Variants in SPAST observed in about 807,000 individuals in gnomAD.
The protein encoded by SPAST is spastin.
A neutral mutation model predicts 76.6 loss-of-function variants in SPAST; 30 were observed. That is an observed-to-expected ratio of 0.39 (90% CI 0.29 to 0.53). The LOEUF (loss-of-function observed/expected upper bound fraction) is 0.53. Among genes scored for constraint, SPAST ranks in the 20% least tolerant of loss-of-function variants. SPAST has a pLI of 0.68. For synonymous variants in SPAST, 305 were observed against 281.0 expected, an observed-to-expected ratio of 1.09 and a Z score of -0.86; for missense variants, 717 against 770.5, an observed-to-expected ratio of 0.93 and a Z score of 0.82.
chr2:32,148,973 CA>C (rs562176832), intron 16 of SPAST, among the ~76,000 whole-genome samples: 83 of 128,374 alleles, frequency 6.5e-4, no homozygotes, highest in Non-Finnish European at 5.5e-4. Context: ...GACCCAGTCT[CA>C]AAAAAAAAAA....
intron 16 of SPAST, among the ~76,000 whole-genome samples, chr2:32,152,399 T>C (rs887390908): frequency 1.3e-5 from 2 of 151,980 alleles, no homozygotes; most frequent in African/African-American, 4.8e-5. Flanking sequence ...GAAATCCTCA[T>C]CTCTACAAAA....
intron 9 of SPAST, among the ~76,000 whole-genome samples, chr2:32,133,006 A>G (rs1175415647): frequency 6.6e-6 from 1 of 151,616 alleles, no homozygotes; most frequent in African/African-American, 2.4e-5. Context: ...AGATTGCGCC[A>G]TTCCACTCCA....
At chr2:32,128,894 C>T (rs546898590) in intron 9 of SPAST, 7 of 238,502 alleles carry the variant, frequency 2.9e-5, no homozygotes, top group African/African-American at 1.6e-4. Context: ...TAGATGCATC[C>T]CTCCTATCTC....
rs796918516 is a variant in SPAST at position 32,066,933 on chromosome 2, A to G, written c.415+2687A>G. ...AGGCTGCAATGAGCTGAGATCGTGC[A>G]ACTGCACTCCGAACTGGGTGACAGG... On this transcript the variant is annotated intron_variant, in intron 1 of 16. Transcript: ENST00000315285. 6.8e-5 allele frequency among the ~76,000 whole-genome samples: 10 copies of G among 146,036 alleles called. 1 individual carries two copies. The highest frequency in any genetic ancestry group is 2.5e-4 in the African/African-American group (10 of 39,446).
At chr2:32,154,209 CAT>C (rs765168519) in intron 16 of SPAST, among the ~76,000 whole-genome samples, 163 bp from the exon 17 acceptor site, 2 of 152,120 alleles carry the variant, frequency 1.3e-5, no homozygotes, top group Non-Finnish European at 2.9e-5. Context: ...AGCAGATCAA[CAT>C]AGAAAATATA....
At position 32,115,928 on chromosome 2, in the gene SPAST, C is replaced by T. The variant is rs144489943; in HGVS notation, c.1004+93C>T. The T allele has an allele frequency of 4.0e-4, 429 of 1,080,578 alleles. No homozygotes were observed. The African/African-American group carries it at 5.8e-3, about 15-fold the overall frequency. 66.9% of individuals were successfully genotyped at this position (1,080,578 alleles called of 1,614,324 possible). On this transcript the variant is annotated intron_variant, in intron 6 of 16. Coordinates refer to ENST00000315285, the MANE Select transcript of SPAST (RefSeq NM_014946.4). ...CAGGAGTGAAATAGATAATAAATACCTTGTCTGGTTTACATACTTAATTTT... is the reference window on the plus strand; with the variant it reads ...CAGGAGTGAAATAGATAATAAATACTTTGTCTGGTTTACATACTTAATTTT...
At chr2:32,148,917 T>G in intron 16 of SPAST, among the ~76,000 whole-genome samples, 1 of 150,010 alleles carries the variant, frequency 6.7e-6, no homozygotes. Context: ...GAGGTTGCAG[T>G]GAGCCAAGAT....
Position 32,145,150 on chromosome 2 carries a change from G to A in SPAST, c.1687+143G>A, listed in dbSNP as rs1679846717. On this transcript the variant is annotated intron_variant, in intron 15 of 16. Coordinates refer to ENST00000315285, the MANE Select transcript of SPAST (RefSeq NM_014946.4). ...TCTGTTGCCCAGGCTGTAGTGCAGTGGCACAATCATAGTTCACTGCAGCCT... is the reference window on the plus strand; with the variant it reads ...TCTGTTGCCCAGGCTGTAGTGCAGTAGCACAATCATAGTTCACTGCAGCCT... 8 of 628,366 alleles carry A rather than the reference G, an allele frequency of 1.3e-5. No individual in the cohort carries two copies. In the East Asian group the frequency reaches 2.3e-4, roughly 18 times the overall value. The allele number at this position is 628,366 out of a possible 1,614,324, so 38.9% of individuals were successfully genotyped here.
chr2:32,126,909 C>G, intron 7 of SPAST, 39 bp from the exon 8 acceptor site: 1 of 1,409,304 alleles, frequency 7.1e-7, no homozygotes, highest in Non-Finnish European at 1.0e-6. Context: ...TAAAATGTCT[C>G]TAGAATCATA....
At chr2:32,135,922 A>G (rs893259777) in intron 9 of SPAST, among the ~76,000 whole-genome samples, 1 of 152,254 alleles carries the variant, frequency 6.6e-6, no homozygotes, top group South Asian at 2.1e-4. Flanking sequence ...TACTAAAAAT[A>G]CAAAAATTAG....
chr2:32,105,436 C>T (rs553937396), intron 4 of SPAST, among the ~76,000 whole-genome samples: 5 of 152,278 alleles, frequency 3.3e-5, no homozygotes, highest in Admixed American at 6.5e-5. Flanking sequence ...TATTACCCAT[C>T]GTCTGAGGCC....
At chr2:32,087,801 T>G (rs1677552005) in intron 2 of SPAST, among the ~76,000 whole-genome samples, 1 of 149,384 alleles carries the variant, frequency 6.7e-6, no homozygotes, top group Non-Finnish European at 1.5e-5. Context: ...GCTCAAGTGA[T>G]CCTCCTGCCT....
In SPAST at chr2:32,145,721, C is replaced by G. The variant is rs141990878; in HGVS notation, c.1687+714C>G. Among the ~76,000 whole-genome samples the G allele has an allele frequency of 2.3e-3, 352 of 152,248 alleles. 2 individuals carry two copies. Among genetic ancestry groups the G allele is most frequent in the Middle Eastern group, 0.01 (3 of 294 alleles). Reference sequence around the variant, plus strand: ...TTTTATTCAGGTTACTTGGTTGATTCTGAAATACCACGACCAATTCTTTTT... The same window carrying G: ...TTTTATTCAGGTTACTTGGTTGATTGTGAAATACCACGACCAATTCTTTTT... On this transcript the variant is annotated intron_variant, in intron 15 of 16. Transcript: ENST00000315285.
intron 3 of SPAST, among the ~76,000 whole-genome samples, chr2:32,094,041 T>G (rs1352121809): frequency 6.6e-6 from 1 of 152,108 alleles, no homozygotes; most frequent in African/African-American, 2.4e-5. Flanking sequence ...CCATTTTCCA[T>G]CCTAATTAGA....
chr2:32,103,499 C>T (rs1158974152), intron 4 of SPAST, among the ~76,000 whole-genome samples: 1 of 152,008 alleles, frequency 6.6e-6, no homozygotes, highest in Non-Finnish European at 1.5e-5. Context: ...TATTTCTTGC[C>T]TTCTGCTAGC....
At chr2:32,138,102 A>G (rs12614686) in intron 12 of SPAST, among the ~76,000 whole-genome samples, 56,776 of 152,052 alleles carry the variant, frequency 0.37, 10,978 homozygotes, top group East Asian at 0.64. Context: ...GTCTGCTGTC[A>G]TGAATAGTAC....
rs1312714476 is a variant in SPAST, at chr2:32,156,123, C to G, written c.*1627C>G. ...GCGCAATCTCGACTCACCACAACCT[C>G]CGCCTCCCAGGTTCAAGCAATTCTC... On this transcript the variant is annotated 3_prime_UTR_variant, in exon 17 of 17. Coordinates refer to ENST00000315285, the MANE Select transcript of SPAST (RefSeq NM_014946.4). 1.3e-5 allele frequency: 2 copies of G among 151,798 alleles called. No homozygotes were observed. The highest frequency in any genetic ancestry group is 6.6e-5 in the Admixed American group (1 of 15,198). The allele number at this position is 151,798 out of a possible 1,614,324, so 9.4% of individuals were successfully genotyped here.
chr2:32,150,010 G>T (rs1316640839), intron 16 of SPAST, among the ~76,000 whole-genome samples: 3 of 149,024 alleles, frequency 2.0e-5, no homozygotes, highest in Admixed American at 6.7e-5. Flanking sequence ...TTATTCGCCT[G>T]TCGGATGAGG....
chr2:32,102,938 G>C (rs531019995), intron 4 of SPAST, among the ~76,000 whole-genome samples: 18 of 152,090 alleles, frequency 1.2e-4, no homozygotes, highest in African/African-American at 4.1e-4. Context: ...TCTCTTTGTT[G>C]TGTCTCTGCC....
Sources: gnomAD v4.1 joint callset for allele counts (sites outside exome capture counted in the v4.1 genomes callset) on GRCh38, gnomAD v4.1.1 for gene constraint, MANE v1.5 for transcripts, NCBI Gene and HGNC (gene_info 2026-07-23, HGNC 2026-07-21) for gene names.